Variants in PPP1R9A observed in about 807,000 individuals in gnomAD.
The protein encoded by PPP1R9A is neurabin-1.
In PPP1R9A, 59 loss-of-function variants were observed where a neutral mutation model predicts 141.9. The observed-to-expected ratio is 0.42, with a 90% CI of 0.34 to 0.52. The LOEUF (loss-of-function observed/expected upper bound fraction) is 0.52. Among genes scored for constraint, PPP1R9A ranks in the 20% least tolerant of loss-of-function variants. PPP1R9A has a pLI of 0.10. For missense variants in PPP1R9A, 1,444 were observed against 1,611.9 expected, an observed-to-expected ratio of 0.90 and a Z score of 1.78; for synonymous variants, 500 against 569.7, an observed-to-expected ratio of 0.88 and a Z score of 1.74.
At chr7:95,063,454 A>G (rs184581287) in intron 2 of PPP1R9A, among the ~76,000 whole-genome samples, 13 of 152,248 alleles carry the variant, frequency 8.5e-5, no homozygotes, top group Non-Finnish European at 1.6e-4. Flanking sequence ...TATCCCAGCT[A>G]CTTGGGAATT....
At chr7:95,026,996 C>G (rs1267086171) in intron 2 of PPP1R9A, among the ~76,000 whole-genome samples, 1 of 152,122 alleles carries the variant, frequency 6.6e-6, no homozygotes, top group Non-Finnish European at 1.5e-5. Context: ...GAATTTCAAG[C>G]CAGTGGATCT....
chr7:94,937,941 A>C (rs1418352901), intron 2 of PPP1R9A, among the ~76,000 whole-genome samples: 1 of 152,210 alleles, frequency 6.6e-6, no homozygotes, highest in Non-Finnish European at 1.5e-5. Context: ...TACTTGTGAA[A>C]TATTAGTTCC....
At chr7:95,079,956 C>G (rs1371488100) in intron 2 of PPP1R9A, among the ~76,000 whole-genome samples, 2 of 152,072 alleles carry the variant, frequency 1.3e-5, no homozygotes, top group South Asian at 4.2e-4. Flanking sequence ...TAAGAGCTAT[C>G]TATGACAAAC....
chr7:95,003,883 G>T (rs898751464), intron 2 of PPP1R9A, among the ~76,000 whole-genome samples: 8 of 152,142 alleles, frequency 5.3e-5, no homozygotes, highest in Admixed American at 4.6e-4. Context: ...AAGTAAAGAG[G>T]AAGAAAAGGA....
In PPP1R9A at chr7:95,092,344, C is replaced by T. The variant is rs539058381; in HGVS notation, c.1396-18915C>T. ...TTTCTTGTCTGTATCTTATACTACA[C>T]GCTTTTTTTTTTTTTTTGATTAAAG... is the stretch of plus-strand genomic sequence containing the variant. On this transcript the variant is annotated intron_variant, in intron 2 of 19. Transcript: ENST00000433360. Among the ~76,000 whole-genome samples, 9 of 123,482 alleles carry T rather than the reference C, an allele frequency of 7.3e-5. 1 individual carries two copies. The highest frequency in any genetic ancestry group is 2.3e-4 in the South Asian group (1 of 4,374). The allele number at this position is 123,482 out of a possible 152,430, so 81.0% of individuals were successfully genotyped here. A position where few individuals can be genotyped will look rare whatever the true frequency, so the allele number is the denominator to read the frequency against.
At chr7:94,990,070 C>G (rs931007035) in intron 2 of PPP1R9A, among the ~76,000 whole-genome samples, 1 of 152,012 alleles carries the variant, frequency 6.6e-6, no homozygotes, top group African/African-American at 2.4e-5. Flanking sequence ...AATAAAATGC[C>G]TCTCACAATT....
intron 2 of PPP1R9A, among the ~76,000 whole-genome samples, chr7:94,976,689 G>A (rs1430005543): frequency 6.6e-6 from 1 of 152,114 alleles, no homozygotes; most frequent in Non-Finnish European, 1.5e-5. Flanking sequence ...TTTTTAGCAG[G>A]GAGTAAGGCT....
chr7:95,278,307 T>C (rs1803569840), intron 16 of PPP1R9A, among the ~76,000 whole-genome samples: 1 of 152,220 alleles, frequency 6.6e-6, no homozygotes, highest in Admixed American at 6.5e-5. Flanking sequence ...AATGCTGGAC[T>C]CAAAGACTTA....
In PPP1R9A at chr7:95,249,962, A is replaced by C. The variant is rs1430067947; in HGVS notation, c.2167-64A>C. The C allele has an allele frequency of 8.8e-6, 13 of 1,480,486 alleles. No individual in the cohort carries two copies. In the African/African-American group the frequency reaches 1.4e-4, roughly 16 times the overall value. The allele number at this position is 1,480,486 out of a possible 1,614,324, so 91.7% of individuals were successfully genotyped here. A position where few individuals can be genotyped will look rare whatever the true frequency, so the allele number is the denominator to read the frequency against. ...GAACTTGATCTACAACATGCTATAA[A>C]AATGAGAGATTTTTGCCACAAAAGT... On this transcript the variant is annotated intron_variant, in intron 9 of 19. Transcript: ENST00000433360.
At chr7:95,095,979 T>C (rs997905892) in intron 2 of PPP1R9A, among the ~76,000 whole-genome samples, 1 of 152,192 alleles carries the variant, frequency 6.6e-6, no homozygotes, top group Non-Finnish European at 1.5e-5. Context: ...GGTTGTACTG[T>C]GTAGGTCTCA....
chr7:95,095,229 G>T (rs1817872965), intron 2 of PPP1R9A, among the ~76,000 whole-genome samples: 1 of 152,104 alleles, frequency 6.6e-6, no homozygotes, highest in Non-Finnish European at 1.5e-5. Flanking sequence ...TTTTAATAAA[G>T]AAATTACCAG....
chr7:94,972,976 T>C (rs1799021877), intron 2 of PPP1R9A, among the ~76,000 whole-genome samples: 1 of 152,204 alleles, frequency 6.6e-6, no homozygotes, highest in South Asian at 2.1e-4. Flanking sequence ...ATGGAATGAA[T>C]AGATTCTTAA....
chr7:95,031,305 G>T (rs1807646892), intron 2 of PPP1R9A, among the ~76,000 whole-genome samples: 1 of 152,026 alleles, frequency 6.6e-6, no homozygotes, highest in Non-Finnish European at 1.5e-5. Context: ...TTTTTAGGAA[G>T]GTATACAGAA....
chr7:95,080,833 AAGT>A (rs1374874061), intron 2 of PPP1R9A, among the ~76,000 whole-genome samples: 2 of 152,210 alleles, frequency 1.3e-5, no homozygotes, highest in African/African-American at 4.8e-5. Context: ...CTACAGAACG[AAGT>A]AGATGTTATA....
At chr7:95,097,989 C>G (rs76989910) in intron 2 of PPP1R9A, among the ~76,000 whole-genome samples, 1 of 152,214 alleles carries the variant, frequency 6.6e-6, no homozygotes, top group Admixed American at 6.5e-5. Context: ...GTTGAAGCTG[C>G]TGTCACAGGC....
At position 95,202,664 on chromosome 7, in the gene PPP1R9A, T is replaced by G. The variant is rs141870761; in HGVS notation, c.1891-1001T>G. ...ATAAATTTTTCAACTAGAATTTAAC[T>G]TTTTAGTAACATTTAATCTCTTGTC... On this transcript the variant is annotated intron_variant, in intron 6 of 19. Coordinates refer to ENST00000433360, the MANE Select transcript of PPP1R9A (RefSeq NM_001166160.2). 2.6e-3 allele frequency: 1,996 copies of G among 774,868 alleles called. 31 individuals are homozygous for G. The African/African-American group carries it at 0.032, about 12-fold the overall frequency. The allele number at this position is 774,868 out of a possible 1,614,324, so 48.0% of individuals were successfully genotyped here.
chr7:95,189,766 C>G (rs1398028893), intron 5 of PPP1R9A, among the ~76,000 whole-genome samples: 1 of 152,102 alleles, frequency 6.6e-6, no homozygotes. Flanking sequence ...AATTATTTGT[C>G]TTTTTCTGAT....
intron 2 of PPP1R9A, among the ~76,000 whole-genome samples, chr7:95,106,600 G>A (rs141419725): frequency 5.0e-4 from 76 of 152,140 alleles, no homozygotes; most frequent in African/African-American, 1.8e-3. Flanking sequence ...CCTGCTTTGG[G>A]CTATTACAGA....
At chr7:95,221,804 T>C (rs749615355) in intron 7 of PPP1R9A, among the ~76,000 whole-genome samples, 11 of 152,064 alleles carry the variant, frequency 7.2e-5, no homozygotes, top group Non-Finnish European at 1.5e-4. Context: ...TTAAAGATGC[T>C]ACAGTAATTT....
Sources: allele counts gnomAD v4.1 joint callset (sites outside exome capture counted in the v4.1 genomes callset), GRCh38; gene constraint gnomAD v4.1.1; transcripts MANE v1.5; gene names NCBI Gene and HGNC (gene_info 2026-07-23, HGNC 2026-07-21).